The following ACTR3B variants were observed in gnomAD, a reference collection of about 807,000 sequenced individuals.
ACTR3B encodes the protein actin-related protein 3B.
ACTR3B carries 8 observed loss-of-function variants against 59.0 expected under a neutral mutation model. That is an observed-to-expected ratio of 0.14 (90% confidence interval 0.08 to 0.24). The LOEUF is 0.24. ACTR3B is among the 10% of genes least tolerant of loss of function. The pLI, the probability that ACTR3B is intolerant of heterozygous loss-of-function variation, is 1.00. For missense variants in ACTR3B, 245 were observed against 552.3 expected (o/e 0.44, Z 5.58); for synonymous variants, 148 against 197.9 (o/e 0.75, Z 2.12).
chr7:152,779,050 G>A (rs1190377616), intron 1 of ACTR3B, among the ~76,000 whole-genome samples: 1 of 148,994 alleles, frequency 6.7e-6, no homozygotes, highest in African/African-American at 2.5e-5. Flanking sequence ...TAGACATATC[G>A]TGCTAAATGT....
intron 2 of ACTR3B, among the ~76,000 whole-genome samples, chr7:152,786,963 C>G (rs926789070): frequency 1.3e-5 from 2 of 152,142 alleles, no homozygotes; most frequent in Non-Finnish European, 2.9e-5. Context: ...GGGCATTTTT[C>G]ACAGTTCTCT....
At chr7:152,786,659 A>C (rs6945883) in intron 2 of ACTR3B, among the ~76,000 whole-genome samples, 112,447 of 151,700 alleles carry the variant, frequency 0.74, 41,781 homozygotes, top group East Asian at 0.84. Context: ...TCTCTGTATC[A>C]GAGTAAATGA....
chr7:152,802,205 T>C (rs2098239003), intron 4 of ACTR3B, among the ~76,000 whole-genome samples: 1 of 152,118 alleles, frequency 6.6e-6, no homozygotes, highest in East Asian at 1.9e-4. Context: ...GGATTTACTG[T>C]GACTGGTTTA....
intron 1 of ACTR3B, among the ~76,000 whole-genome samples, chr7:152,768,579 C>G (rs1316198453): frequency 2.0e-5 from 3 of 152,034 alleles, no homozygotes; most frequent in Non-Finnish European, 4.4e-5. Context: ...TGGATTCAAG[C>G]AATTCTCCTG....
chr7:152,791,994 C>G (rs1426491725), intron 2 of ACTR3B, among the ~76,000 whole-genome samples: 9 of 152,120 alleles, frequency 5.9e-5, no homozygotes, highest in Non-Finnish European at 1.3e-4. Flanking sequence ...TGGGTTCAAG[C>G]AATTCTCCTG....
chr7:152,805,308 A>G (rs1455240047), intron 4 of ACTR3B, among the ~76,000 whole-genome samples: 1 of 151,878 alleles, frequency 6.6e-6, no homozygotes, highest in Non-Finnish European at 1.5e-5. Context: ...GAGGAGGAAG[A>G]AGGAGAGTTT....
intron 4 of ACTR3B, among the ~76,000 whole-genome samples, chr7:152,810,588 G>A (rs367676436): frequency 1.3e-5 from 2 of 151,502 alleles, no homozygotes; most frequent in African/African-American, 4.8e-5. Context: ...CACACACCCG[G>A]CTACCACACC....
chr7:152,793,877 G>A (rs1250708296), intron 2 of ACTR3B, among the ~76,000 whole-genome samples: 7 of 151,542 alleles, frequency 4.6e-5, no homozygotes, highest in Non-Finnish European at 1.0e-4. Context: ...TGCCAGTGTG[G>A]GGGTCAAAGT....
At chr7:152,771,483 G>A (rs1410617474) in intron 1 of ACTR3B, among the ~76,000 whole-genome samples, 1 of 152,210 alleles carries the variant, frequency 6.6e-6, no homozygotes, top group Non-Finnish European at 1.5e-5. Context: ...AATCACTGAT[G>A]TGAGGATCAA....
chr7:152,771,863 G>A lies in ACTR3B; in HGVS notation c.45-11324G>A, dbSNP rs369555475. ...AGCCGAGGTGGGCAGATCACCTGGG[G>A]TCAGACCAGCTGACCAACATGGAGA... On this transcript the variant is annotated intron_variant, in intron 1 of 11. Coordinates refer to ENST00000256001, the MANE Select transcript of ACTR3B (RefSeq NM_020445.6). Among the ~76,000 whole-genome samples the A allele has an allele frequency of 1.7e-3, 254 of 152,024 alleles. 8 individuals carry two copies. In the East Asian group the frequency reaches 0.048, roughly 29 times the overall value.
At chr7:152,849,058 G>C (rs1293294648) in intron 9 of ACTR3B, among the ~76,000 whole-genome samples, 1 of 152,184 alleles carries the variant, frequency 6.6e-6, no homozygotes, top group African/African-American at 2.4e-5. Context: ...GGGCGTCAGG[G>C]GGCTGCCTCT....
At chr7:152,850,772 T>C (rs893191252) in intron 9 of ACTR3B, among the ~76,000 whole-genome samples, 3 of 151,848 alleles carry the variant, frequency 2.0e-5, no homozygotes, top group African/African-American at 7.3e-5. Flanking sequence ...CATTTTTTTT[T>C]CCGTGCTGAT....
In ACTR3B at chr7:152,820,294, C is replaced by T; in HGVS notation, c.541-5C>T. On this transcript the variant is annotated splice_region_variant and splice_polypyrimidine_tract_variant and intron_variant, in intron 6 of 11. Transcript: ENST00000256001. ...ACAGCTGTTCTGCCTCCTCTTCTTC[C>T]CTAGGCAGAAGGTTATGTAATTGGA... 6.3e-7 allele frequency: 1 copy of T among 1,577,450 alleles called. No homozygotes were observed. The highest frequency in any genetic ancestry group is 8.6e-7 in the Non-Finnish European group (1 of 1,156,916).
intron 1 of ACTR3B, among the ~76,000 whole-genome samples, chr7:152,780,599 T>C (rs1381520757): frequency 6.6e-6 from 1 of 151,914 alleles, no homozygotes; most frequent in Admixed American, 6.6e-5. Flanking sequence ...AAGTCTGTTT[T>C]TGTAGTCTGA....
rs13307240 is a variant in ACTR3B, at chr7:152,792,471, C to A, written c.101-8060C>A. On this transcript the variant is annotated intron_variant, in intron 2 of 11. Transcript: ENST00000256001. ...TTTTTTTAATTAAAGAAACATAGGC[C>A]GGGCACGGTGGCTTATGCCTGTAAT... 5.7e-3 allele frequency among the ~76,000 whole-genome samples: 864 copies of A among 150,630 alleles called. 6 individuals are homozygous for A. Among genetic ancestry groups the A allele is most frequent in the African/African-American group, 0.02 (837 of 41,038 alleles).
At chr7:152,771,684 A>G (rs932534825) in intron 1 of ACTR3B, among the ~76,000 whole-genome samples, 1 of 152,270 alleles carries the variant, frequency 6.6e-6, no homozygotes, top group African/African-American at 2.4e-5. Flanking sequence ...TTCCTGGAAT[A>G]TAATGAAAGA....
chr7:152,772,023 C>A (rs1196050947), intron 1 of ACTR3B, among the ~76,000 whole-genome samples: 11 of 151,380 alleles, frequency 7.3e-5, no homozygotes, highest in African/African-American at 2.4e-4. Context: ...CAAGATCACG[C>A]CATTGCACTT....
chr7:152,801,757 ATATTCCTG>A (rs2098237363), intron 4 of ACTR3B, 26 bp downstream of exon 4: 1 of 825,760 alleles, frequency 1.2e-6, no homozygotes, highest in African/African-American at 1.8e-5. Context: ...TAAGAGGAAT[ATATTCCTG>A]TAAATTCCAA....
intron 9 of ACTR3B, among the ~76,000 whole-genome samples, chr7:152,845,612 G>C (rs1798210561): frequency 6.6e-6 from 1 of 152,232 alleles, no homozygotes; most frequent in Non-Finnish European, 1.5e-5. Flanking sequence ...CCTGTTGCTG[G>C]GTTGTGACCT....
Sources: gnomAD v4.1 joint callset for allele counts (sites outside exome capture counted in the v4.1 genomes callset) on GRCh38, gnomAD v4.1.1 for gene constraint, MANE v1.5 for transcripts, NCBI Gene and HGNC (gene_info 2026-07-23, HGNC 2026-07-21) for gene names.